Variants in ROCK1 observed in about 807,000 individuals in gnomAD.
The protein encoded by ROCK1 is rho-associated protein kinase 1.
Under a neutral mutation model 196.8 loss-of-function variants are expected in ROCK1, and 36 were observed. That is an observed-to-expected ratio of 0.18 (90% CI 0.14 to 0.24). ROCK1 has a LOEUF of 0.24. ROCK1 is among the 10% of genes least tolerant of loss of function. The pLI is 1.00. For missense variants in ROCK1, 920 were observed against 1,562.0 expected (o/e 0.59, Z 6.93); for synonymous variants, 443 against 515.9 (o/e 0.86, Z 1.91).
Position 21,040,377 on chromosome 18 carries a change from T to A in ROCK1, c.960-814A>T, listed in dbSNP as rs139995723. On this transcript the variant is annotated intron_variant, in intron 8 of 32. Transcript: ENST00000399799. Reference sequence around the variant, plus strand: ...CCATTCAAAAGCCAATGACTACTAATTCTTGATACTGCCACAGAATTCAGA... The same window carrying A: ...CCATTCAAAAGCCAATGACTACTAAATCTTGATACTGCCACAGAATTCAGA... Among the ~76,000 whole-genome samples, 104 of 152,332 alleles carry A rather than the reference T, an allele frequency of 6.8e-4. 1 individual carries two copies. Among genetic ancestry groups the A allele is most frequent in the African/African-American group, 2.4e-3 (100 of 41,564 alleles).
At chr18:21,108,049 C>T (rs1259932490) in intron 1 of ROCK1, among the ~76,000 whole-genome samples, 1 of 150,528 alleles carries the variant, frequency 6.6e-6, no homozygotes, top group Non-Finnish European at 1.5e-5. Flanking sequence ...AGTGAGATTC[C>T]ATCTCAGAAA....
intron 1 of ROCK1, among the ~76,000 whole-genome samples, chr18:21,080,972 A>T (rs1229495799): frequency 6.6e-6 from 1 of 152,166 alleles, no homozygotes; most frequent in African/African-American, 2.4e-5. Context: ...GAAGATTAAT[A>T]AAAAAACAGA....
At chr18:21,073,934 C>G (rs1218315260) in intron 1 of ROCK1, among the ~76,000 whole-genome samples, 1 of 152,144 alleles carries the variant, frequency 6.6e-6, no homozygotes, top group African/African-American at 2.4e-5. Context: ...AGGAGGATCA[C>G]TTGAAACCAG....
chr18:21,004,994 C>A (rs2035756580), intron 16 of ROCK1, among the ~76,000 whole-genome samples: 1 of 152,122 alleles, frequency 6.6e-6, no homozygotes, highest in Non-Finnish European at 1.5e-5. Context: ...AATCATCAAG[C>A]CCCAAGGGAC....
chr18:20,986,082 A>C (rs2035575903), intron 19 of ROCK1, among the ~76,000 whole-genome samples: 1 of 152,020 alleles, frequency 6.6e-6, no homozygotes, highest in South Asian at 2.1e-4. Context: ...CAAACTCCTG[A>C]GCTTAAGCAA....
At chr18:21,003,729 C>T (rs1026339556) in intron 16 of ROCK1, among the ~76,000 whole-genome samples, 9 of 152,030 alleles carry the variant, frequency 5.9e-5, no homozygotes, top group African/African-American at 2.2e-4. Flanking sequence ...GGTTAGGCAT[C>T]CTTAATTGGA....
At position 21,006,558 on chromosome 18, in the gene ROCK1, T is replaced by A; in HGVS notation, c.1678A>T (p.Thr560Ser). The change falls in exon 16 of 33, where the codon ACA becomes TCA. Residue 560 changes from threonine to serine, a missense_variant. Thr to Ser is a moderately conservative substitution (Grantham distance 58). Coordinates refer to ENST00000399799, the MANE Select transcript of ROCK1 (RefSeq NM_005406.3). Reference sequence around the variant, plus strand: ...TGACTCTTCCTCAATCTTACAGCTGTGTCCGATTCTGTCCTAAGTAAGTCA... The same window carrying A: ...TGACTCTTCCTCAATCTTACAGCTGAGTCCGATTCTGTCCTAAGTAAGTCA... ...ANDLLRTESD[T>S]AVRLRKSHTE... 6.2e-7 allele frequency: 1 copy of A among 1,613,024 alleles called. No homozygotes were observed. Among genetic ancestry groups the A allele is most frequent in the Non-Finnish European group, 8.5e-7 (1 of 1,179,174 alleles).
intron 1 of ROCK1, among the ~76,000 whole-genome samples, chr18:21,090,550 G>A (rs945433508): frequency 1.3e-5 from 2 of 152,092 alleles, no homozygotes; most frequent in East Asian, 3.9e-4. Context: ...TACTGGGGTG[G>A]GGAGCAGAAT....
intron 29 of ROCK1, among the ~76,000 whole-genome samples, chr18:20,958,909 AT>A (rs1210836549): frequency 9.9e-6 from 1 of 101,324 alleles, no homozygotes; most frequent in Admixed American, 1.6e-4. Context: ...ATATATATAT[AT>A]TTTATATATT....
At chr18:21,071,360 T>C (rs1402048024) in intron 1 of ROCK1, among the ~76,000 whole-genome samples, 1 of 152,006 alleles carries the variant, frequency 6.6e-6, no homozygotes, top group Non-Finnish European at 1.5e-5. Flanking sequence ...CGTCTTTTTA[T>C]AGACAGAGTT....
chr18:21,072,894 A>T (rs1406554300), intron 1 of ROCK1, among the ~76,000 whole-genome samples: 1 of 151,858 alleles, frequency 6.6e-6, no homozygotes, highest in Non-Finnish European at 1.5e-5. Flanking sequence ...AAAATGGTGA[A>T]ACCCCATCTC....
At chr18:21,044,211 G>C in intron 5 of ROCK1, 25 bp from the exon 6 acceptor site, 1 of 1,534,112 alleles carries the variant, frequency 6.5e-7, no homozygotes, top group Non-Finnish European at 9.0e-7. Flanking sequence ...AAATAGTACA[G>C]TATTTTCTGA....
intron 4 of ROCK1, among the ~76,000 whole-genome samples, chr18:21,048,114 A>C (rs2036176373): frequency 6.6e-6 from 1 of 152,202 alleles, no homozygotes; most frequent in African/African-American, 2.4e-5. Context: ...ACAATTGAAC[A>C]TAACCAATCA....
chr18:21,003,212 C>A (rs1413715158), intron 16 of ROCK1, among the ~76,000 whole-genome samples: 3 of 152,136 alleles, frequency 2.0e-5, no homozygotes, highest in South Asian at 4.2e-4. Flanking sequence ...AAATTCTGAA[C>A]AGGAGCCACT....
intron 27 of ROCK1, among the ~76,000 whole-genome samples, chr18:20,961,604 G>A (rs535648817): frequency 2.7e-4 from 41 of 152,228 alleles, no homozygotes; most frequent in African/African-American, 9.9e-4. Context: ...CTGAGCTTAT[G>A]TTTCTAGAGC....
chr18:21,026,798 A>C (rs2035961631), intron 10 of ROCK1, among the ~76,000 whole-genome samples: 1 of 152,198 alleles, frequency 6.6e-6, no homozygotes, highest in African/African-American at 2.4e-5. Flanking sequence ...GTTATCTGAT[A>C]CCATTCCAAA....
At chr18:21,078,745 T>C (rs2036457454) in intron 1 of ROCK1, among the ~76,000 whole-genome samples, 2 of 152,176 alleles carry the variant, frequency 1.3e-5, no homozygotes, top group Non-Finnish European at 2.9e-5. Flanking sequence ...TGGATGCACC[T>C]TGGGGATTCA....
chr18:21,043,572 T>C (rs1351386324), intron 6 of ROCK1, among the ~76,000 whole-genome samples: 2 of 133,532 alleles, frequency 1.5e-5, no homozygotes, highest in East Asian at 3.9e-4. Context: ...TACATATACA[T>C]AATGTATATG....
chr18:21,021,798 T>C (rs1022297756), intron 11 of ROCK1, among the ~76,000 whole-genome samples: 15 of 152,180 alleles, frequency 9.9e-5, no homozygotes, highest in Non-Finnish European at 2.1e-4. Flanking sequence ...TTGAATATTT[T>C]TGAAGGCCGA....
Sources: gnomAD v4.1 joint callset for allele counts (sites outside exome capture counted in the v4.1 genomes callset) on GRCh38, gnomAD v4.1.1 for gene constraint, MANE v1.5 for transcripts, NCBI Gene and HGNC (gene_info 2026-07-23, HGNC 2026-07-21) for gene names.